Variants in PHKB observed in about 807,000 individuals in gnomAD.
PHKB encodes the protein phosphorylase kinase regulatory subunit beta.
In PHKB, 122 loss-of-function variants were observed where a neutral mutation model predicts 152.1. The ratio of observed to expected loss-of-function variants is 0.80; its 90% CI spans 0.69 to 0.93. The LOEUF (loss-of-function observed/expected upper bound fraction) is 0.93, where lower values mean the gene tolerates loss of function less well. PHKB is among the 40% of genes least tolerant of loss of function. The pLI is 0.00. For missense variants in PHKB, 1,304 were observed against 1,328.4 expected, an observed-to-expected ratio of 0.98 and a Z score of 0.29; for synonymous variants, 436 against 464.9, an observed-to-expected ratio of 0.94 and a Z score of 0.80.
chr16:47,620,016 C>T (rs1167619979), intron 14 of PHKB, among the ~76,000 whole-genome samples: 2 of 152,100 alleles, frequency 1.3e-5, no homozygotes, highest in Non-Finnish European at 2.9e-5. Flanking sequence ...GGAAAATACA[C>T]CTAATACCTT....
At chr16:47,490,985 C>T (rs1414170095) in intron 1 of PHKB, among the ~76,000 whole-genome samples, 1 of 152,212 alleles carries the variant, frequency 6.6e-6, no homozygotes, top group East Asian at 1.9e-4. Flanking sequence ...CAATACTTTA[C>T]ATTTTCCTAT....
chr16:47,666,205 A>G (rs1973536574), intron 25 of PHKB, among the ~76,000 whole-genome samples: 1 of 152,166 alleles, frequency 6.6e-6, no homozygotes, highest in African/African-American at 2.4e-5. Flanking sequence ...TCTAGTCAGA[A>G]AGTTATTAAA....
intron 1 of PHKB, among the ~76,000 whole-genome samples, chr16:47,473,042 GT>G (rs970277549): frequency 1.7e-3 from 252 of 145,248 alleles, no homozygotes; most frequent in Non-Finnish European, 2.1e-3. Context: ...TAGGATCTGT[GT>G]TTTTTTTTTT....
intron 6 of PHKB, among the ~76,000 whole-genome samples, chr16:47,523,379 A>G (rs1448104045): frequency 6.6e-6 from 1 of 152,208 alleles, no homozygotes; most frequent in Non-Finnish European, 1.5e-5. Context: ...ATAGGTGGCC[A>G]TTGAGGTCTT....
intron 11 of PHKB, 116 bp downstream of exon 11, chr16:47,593,673 TAGAC>T: frequency 1.4e-6 from 1 of 714,212 alleles, no homozygotes; most frequent in Non-Finnish European, 2.6e-6. Context: ...GCTAGAAAAA[TAGAC>T]TGCGCTTCAG....
intron 8 of PHKB, among the ~76,000 whole-genome samples, chr16:47,582,859 C>A (rs1029797750): frequency 1.3e-5 from 2 of 152,158 alleles, no homozygotes; most frequent in African/African-American, 4.8e-5. Context: ...TGCAGTGGCA[C>A]GATCTCGGCT....
At position 47,558,706 on chromosome 16, in the gene PHKB, G is replaced by T. The variant is rs181943902; in HGVS notation, c.710+11158G>T. On this transcript the variant is annotated intron_variant, in intron 7 of 30. Transcript: ENST00000323584. ...TGGGATTACAGGCATGTGCTACCAA[G>T]CCTGGAGAATATTTGTATTTGTAGT... Among the ~76,000 whole-genome samples the T allele has an allele frequency of 2.6e-4, 40 of 152,288 alleles. 1 individual carries two copies. The East Asian group carries it at 6.6e-3, about 25-fold the overall frequency.
intron 3 of PHKB, among the ~76,000 whole-genome samples, chr16:47,502,592 A>G (rs1970341271): frequency 6.6e-6 from 1 of 152,224 alleles, no homozygotes; most frequent in Non-Finnish European, 1.5e-5. Flanking sequence ...TGCTACTTAA[A>G]TCCAAGCGGC....
At chr16:47,646,892 G>A (rs1386739515) in intron 16 of PHKB, among the ~76,000 whole-genome samples, 1 of 151,954 alleles carries the variant, frequency 6.6e-6, no homozygotes, top group African/African-American at 2.4e-5. Context: ...ACAAAAAATT[G>A]GGAGCTATCT....
chr16:47,592,793 T>C (rs1014275517), intron 10 of PHKB, among the ~76,000 whole-genome samples: 5 of 152,224 alleles, frequency 3.3e-5, no homozygotes, highest in Non-Finnish European at 7.3e-5. Flanking sequence ...ATTGAAGGAC[T>C]GCAGTTTGAT....
At chr16:47,521,118 A>G (rs138863182) in intron 6 of PHKB, among the ~76,000 whole-genome samples, 1 of 151,500 alleles carries the variant, frequency 6.6e-6, no homozygotes, top group Non-Finnish European at 1.5e-5. Context: ...GCAATCTTGA[A>G]CTCGTGTTTA....
At chr16:47,542,274 T>C (rs1344203737) in intron 6 of PHKB, among the ~76,000 whole-genome samples, 1 of 152,212 alleles carries the variant, frequency 6.6e-6, no homozygotes, top group African/African-American at 2.4e-5. Context: ...CCCCATTTCT[T>C]CTTTTTGTAA....
rs1409924864 is a variant in PHKB, at chr16:47,596,265, CTCCT to C, written c.1205-102_1205-99del. On this transcript the variant is annotated intron_variant, in intron 12 of 30. Coordinates refer to ENST00000323584, the MANE Select transcript of PHKB (RefSeq NM_000293.3). ...ATGTGGAACTGTGAGGCCATTAAAA[CTCCT>C]TCCTTTATAAATTACCCAGTCTTGG... 41 of 793,538 alleles carry C rather than the reference CTCCT, an allele frequency of 5.2e-5. No individual in the cohort carries two copies. The East Asian group carries it at 1.1e-3, about 20-fold the overall frequency. The allele number at this position is 793,538 out of a possible 1,614,324, so 49.2% of individuals were successfully genotyped here.
In PHKB at chr16:47,649,176, A is replaced by AT; in HGVS notation, c.1770dup (p.Val591CysfsTer7). ...CTAAGTGATTTCTACATGTCTCAGG[A>AT]TGTTTTCCTGCTGATAGATGACATA... is the stretch of plus-strand genomic sequence containing the variant. On this transcript the variant is annotated frameshift_variant, in exon 18 of 31. Coordinates refer to ENST00000323584, the MANE Select transcript of PHKB (RefSeq NM_000293.3). LOFTEE classifies it high-confidence loss of function. 6.2e-7 allele frequency: 1 copy of AT among 1,602,482 alleles called. No individual in the cohort carries two copies. Among genetic ancestry groups the AT allele is most frequent in the Non-Finnish European group, 8.6e-7 (1 of 1,169,394 alleles).
At chr16:47,696,605 TCTC>T (rs1974152227) in intron 29 of PHKB, 117 bp downstream of exon 29, 1 of 723,924 alleles carries the variant, frequency 1.4e-6, no homozygotes, top group East Asian at 2.7e-5. Context: ...TACCCCGATC[TCTC>T]CTGTGAGACC....
chr16:47,492,263 A>T (rs138398824), intron 1 of PHKB, among the ~76,000 whole-genome samples: 1 of 152,358 alleles, frequency 6.6e-6, no homozygotes, highest in East Asian at 1.9e-4. Flanking sequence ...GACAAAGTAC[A>T]CTAGATTGGC....
chr16:47,598,180 T>C (rs1437529286), intron 13 of PHKB: 1 of 152,800 alleles, frequency 6.5e-6, no homozygotes, highest in Non-Finnish European at 1.5e-5. Context: ...TCAAATTTTA[T>C]CACCAGCCAC....
At chr16:47,471,186 G>C (rs1204471325) in intron 1 of PHKB, among the ~76,000 whole-genome samples, 1 of 152,192 alleles carries the variant, frequency 6.6e-6, no homozygotes, top group Non-Finnish European at 1.5e-5. Context: ...TGGAGAAGTT[G>C]GGGTAAGGAG....
intron 13 of PHKB, among the ~76,000 whole-genome samples, chr16:47,606,593 A>T (rs181930866): frequency 6.6e-6 from 1 of 152,230 alleles, no homozygotes; most frequent in African/African-American, 2.4e-5. Flanking sequence ...GTGTGAGCAT[A>T]ACTAAGATAA....
Sources: allele counts gnomAD v4.1 joint callset (sites outside exome capture counted in the v4.1 genomes callset), GRCh38; gene constraint gnomAD v4.1.1; transcripts MANE v1.5; gene names NCBI Gene and HGNC (gene_info 2026-07-23, HGNC 2026-07-21).